PCDH9: variants seen among roughly 807,000 people sequenced by gnomAD.
The protein encoded by PCDH9 is protocadherin-9.
PCDH9 carries 24 observed loss-of-function variants against 70.6 expected under a neutral mutation model. The ratio of observed to expected loss-of-function variants is 0.34; its 90% CI spans 0.25 to 0.48. PCDH9 has a LOEUF of 0.48. PCDH9 is among the 20% of genes least tolerant of loss of function. PCDH9 has a pLI of 0.99. For synonymous variants in PCDH9, 562 were observed against 558.5 expected (o/e 1.01, Z -0.09); for missense variants, 1,281 against 1,503.6 (o/e 0.85, Z 2.45).
At chr13:67,108,008 A>G (rs2086582219) in intron 2 of PCDH9, among the ~76,000 whole-genome samples, 1 of 152,208 alleles carries the variant, frequency 6.6e-6, no homozygotes, top group African/African-American at 2.4e-5. Context: ...GCACAGAGCC[A>G]GCACCTGTGC....
chr13:66,906,983 A>G (rs914662345), intron 2 of PCDH9, among the ~76,000 whole-genome samples: 2 of 152,150 alleles, frequency 1.3e-5, no homozygotes, highest in Non-Finnish European at 2.9e-5. Context: ...AGGTGGGCGG[A>G]TCACCTGTGG....
intron 4 of PCDH9, among the ~76,000 whole-genome samples, chr13:66,536,436 AT>A (rs1482958245): frequency 1.9e-4 from 29 of 152,056 alleles, no homozygotes; most frequent in African/African-American, 6.8e-4. Context: ...CTTTTAGAAA[AT>A]TTTTGTTGTG....
chr13:66,399,667 A>G (rs446768), intron 4 of PCDH9, among the ~76,000 whole-genome samples: 147,905 of 151,900 alleles, frequency 0.97, 72,124 homozygotes, highest in East Asian at 1. Context: ...TACAATTCTC[A>G]TTGTTTATTT....
chr13:66,773,980 G>T (rs1438516503), intron 3 of PCDH9, among the ~76,000 whole-genome samples: 1 of 151,892 alleles, frequency 6.6e-6, no homozygotes, highest in African/African-American at 2.4e-5. Context: ...GTTTCACCAT[G>T]TTGGCCAGGC....
chr13:66,621,884 G>A (rs2077425895), intron 4 of PCDH9, among the ~76,000 whole-genome samples: 1 of 152,222 alleles, frequency 6.6e-6, no homozygotes, highest in African/African-American at 2.4e-5. Context: ...CTGCACTGTG[G>A]GAGCCCCTTT....
intron 4 of PCDH9, among the ~76,000 whole-genome samples, chr13:66,434,137 G>T (rs998085032): frequency 6.6e-6 from 1 of 151,740 alleles, no homozygotes; most frequent in Non-Finnish European, 1.5e-5. Context: ...TGAAAAAATC[G>T]TTGGAAATTT....
At chr13:66,663,649 T>A (rs527645525) in intron 3 of PCDH9, among the ~76,000 whole-genome samples, 4 of 152,226 alleles carry the variant, frequency 2.6e-5, no homozygotes, top group Admixed American at 2.6e-4. Flanking sequence ...TCCTGACACA[T>A]GAACCAGACG....
At chr13:67,129,827 C>A (rs999176421) in intron 2 of PCDH9, among the ~76,000 whole-genome samples, 2 of 151,854 alleles carry the variant, frequency 1.3e-5, no homozygotes, top group Non-Finnish European at 2.9e-5. Context: ...ATTCTGGATT[C>A]AATTCACAAT....
chr13:67,030,577 G>C (rs988141403), intron 2 of PCDH9, among the ~76,000 whole-genome samples: 3 of 151,230 alleles, frequency 2.0e-5, no homozygotes, highest in African/African-American at 2.4e-5. Flanking sequence ...TCTAGGTAAT[G>C]GATATCCTAA....
At chr13:66,625,053 T>G (rs190211596) in intron 4 of PCDH9, among the ~76,000 whole-genome samples, 7 of 152,284 alleles carry the variant, frequency 4.6e-5, no homozygotes, top group Non-Finnish European at 8.8e-5. Context: ...TTATTATTAT[T>G]ATTTTGATAG....
intron 4 of PCDH9, among the ~76,000 whole-genome samples, chr13:66,369,441 T>C (rs1433663668): frequency 6.6e-6 from 1 of 152,116 alleles, no homozygotes; most frequent in African/African-American, 2.4e-5. Context: ...GAGAAGGAAA[T>C]GTAAGATCTC....
At chr13:67,068,182 C>A (rs1354763504) in intron 2 of PCDH9, among the ~76,000 whole-genome samples, 2 of 151,784 alleles carry the variant, frequency 1.3e-5, no homozygotes, top group East Asian at 1.9e-4. Flanking sequence ...TTTAAATGTT[C>A]TTTTAAAATA....
At chr13:67,134,662 G>C (rs1169570728) in intron 2 of PCDH9, among the ~76,000 whole-genome samples, 1 of 152,004 alleles carries the variant, frequency 6.6e-6, no homozygotes, top group East Asian at 1.9e-4. Context: ...TGAGTTGTGG[G>C]GTGGCTTCTT....
intron 4 of PCDH9, among the ~76,000 whole-genome samples, chr13:66,580,863 A>G (rs577732168): frequency 1.3e-5 from 2 of 152,246 alleles, no homozygotes; most frequent in East Asian, 3.9e-4. Context: ...AAAATAACTG[A>G]GAACAATCTG....
intron 4 of PCDH9, among the ~76,000 whole-genome samples, chr13:66,546,964 A>G (rs1961234573): frequency 6.6e-6 from 1 of 152,192 alleles, no homozygotes; most frequent in Admixed American, 6.5e-5. Context: ...AGGTGTCTGT[A>G]ACCTAGACCA....
Position 66,553,516 on chromosome 13 carries a change from C to T in PCDH9, c.3340+77694G>A, listed in dbSNP as rs1961589496. ...ACTACTTTCATTATGGCACAAATGC[C>T]CAAAAACAGAGCAAATACTCCACTA... is the stretch of plus-strand genomic sequence containing the variant. On this transcript the variant is annotated intron_variant, in intron 4 of 4. Coordinates refer to ENST00000377865, the MANE Select transcript of PCDH9 (RefSeq NM_203487.3). Among the ~76,000 whole-genome samples, 3 of 151,938 alleles carry T rather than the reference C, an allele frequency of 2.0e-5. No individual in the cohort carries two copies. In the South Asian group the frequency reaches 6.3e-4, roughly 32 times the overall value.
chr13:66,383,600 A>G (rs564977283), intron 4 of PCDH9, among the ~76,000 whole-genome samples: 2 of 152,366 alleles, frequency 1.3e-5, no homozygotes, highest in South Asian at 2.1e-4. Context: ...TACAAATAAA[A>G]TAACATATAC....
intron 2 of PCDH9, among the ~76,000 whole-genome samples, chr13:66,992,350 G>A (rs2084020095): frequency 6.6e-6 from 1 of 152,144 alleles, no homozygotes; most frequent in Non-Finnish European, 1.5e-5. Context: ...GATCTAACAT[G>A]ATATTGGGGA....
chr13:66,581,958 C>T (rs1224566251), intron 4 of PCDH9, among the ~76,000 whole-genome samples: 1 of 152,108 alleles, frequency 6.6e-6, no homozygotes, highest in Non-Finnish European at 1.5e-5. Context: ...ATCTATTTCT[C>T]TTCACGTCTT....
Sources: gnomAD v4.1 joint callset for allele counts (sites outside exome capture counted in the v4.1 genomes callset) on GRCh38, gnomAD v4.1.1 for gene constraint, MANE v1.5 for transcripts, NCBI Gene and HGNC (gene_info 2026-07-23, HGNC 2026-07-21) for gene names.